Variants in TENM4 observed in about 807,000 individuals in gnomAD.
TENM4 encodes the protein teneurin-4.
TENM4 carries 82 observed loss-of-function variants against 243.3 expected under a neutral mutation model. That is an observed-to-expected ratio of 0.34 (90% CI 0.28 to 0.40). The LOEUF is 0.40. Among genes scored for constraint, TENM4 ranks in the 10% least tolerant of loss-of-function variants. The pLI is 1.00. For synonymous variants in TENM4, 1,412 were observed against 1,456.3 expected (o/e 0.97, Z 0.69); for missense variants, 3,138 against 3,673.3 (o/e 0.85, Z 3.77).
chr11:78,782,853 A>G (rs1785824), intron 16 of TENM4, among the ~76,000 whole-genome samples: 89,293 of 151,502 alleles, frequency 0.59, 29,309 homozygotes, highest in Non-Finnish European at 0.76. Flanking sequence ...GTCTGGTTTT[A>G]CTCACACAAG....
At position 79,005,105 on chromosome 11, in the gene TENM4, T is replaced by C. The variant is rs536832962; in HGVS notation, c.493+59633A>G. On this transcript the variant is annotated intron_variant, in intron 6 of 33. Transcript: ENST00000278550. ...AACGTACCAATAATGAATCCTGAAA[T>C]TGAATCAGTAATGAAAAGCCTACCC... Among the ~76,000 whole-genome samples the C allele has an allele frequency of 2.0e-5, 3 of 152,106 alleles. No homozygotes were observed. The East Asian group carries it at 5.8e-4, about 29-fold the overall frequency.
rs533581251 is a variant in TENM4, at chr11:78,688,343, T to C, written c.5088-117A>G. 42 of 1,123,032 alleles carry C rather than the reference T, an allele frequency of 3.7e-5. No individual in the cohort carries two copies. In the African/African-American group the frequency reaches 5.9e-4, roughly 16 times the overall value. 69.6% of individuals were successfully genotyped at this position (1,123,032 alleles called of 1,614,324 possible). On this transcript the variant is annotated intron_variant, in intron 28 of 33. Coordinates refer to ENST00000278550, the MANE Select transcript of TENM4 (RefSeq NM_001098816.3). ...TGCTCTGCTTTTCTTTCTGGCTGGA[T>C]ACATTCCCATGTCTCCCACATATCT...
In TENM4 at chr11:78,708,529, A is replaced by G. The variant is rs774427387; in HGVS notation, c.4055-14T>C. 212 of 1,612,610 alleles carry G rather than the reference A, an allele frequency of 1.3e-4. No individual in the cohort carries two copies. The highest frequency in any genetic ancestry group is 1.7e-4 in the Non-Finnish European group (197 of 1,179,288). On this transcript the variant is annotated splice_polypyrimidine_tract_variant and intron_variant, in intron 26 of 33. Coordinates refer to ENST00000278550, the MANE Select transcript of TENM4 (RefSeq NM_001098816.3). ...CCACTGTAATGCCTGGGGGCAGAGAAGCCAAAACAGGAACTCAGCATCAGA... is the reference window on the plus strand; with the variant it reads ...CCACTGTAATGCCTGGGGGCAGAGAGGCCAAAACAGGAACTCAGCATCAGA...
At chr11:79,346,777 A>AT (rs767332930) in intron 1 of TENM4, among the ~76,000 whole-genome samples, 2 of 152,216 alleles carry the variant, frequency 1.3e-5, no homozygotes, top group East Asian at 3.8e-4. Context: ...CATCTGTAAA[A>AT]TGGGCATAAA....
chr11:79,260,722 C>T (rs1042052184), intron 2 of TENM4, among the ~76,000 whole-genome samples: 12 of 152,172 alleles, frequency 7.9e-5, no homozygotes, highest in Middle Eastern at 3.2e-3. Flanking sequence ...AGCACGCCTC[C>T]GGTGCCAACT....
intron 6 of TENM4, among the ~76,000 whole-genome samples, chr11:78,965,353 T>C (rs1857416042): frequency 6.6e-6 from 1 of 152,040 alleles, no homozygotes; most frequent in South Asian, 2.1e-4. Context: ...GTTCCAGTTT[T>C]GGAAAAGTTC....
At chr11:78,993,350 C>A (rs978393698) in intron 6 of TENM4, among the ~76,000 whole-genome samples, 2 of 152,152 alleles carry the variant, frequency 1.3e-5, no homozygotes, top group South Asian at 4.1e-4. Context: ...TGATTTTCAG[C>A]AATTTTATTA....
chr11:78,805,612 T>G (rs1044144052), intron 14 of TENM4, 120 bp from the exon 15 acceptor site: 1 of 1,195,262 alleles, frequency 8.4e-7, no homozygotes, highest in African/African-American at 1.5e-5. Context: ...GAAGGATGCA[T>G]AGGTCACTTA....
intron 1 of TENM4, among the ~76,000 whole-genome samples, chr11:79,312,652 C>A (rs2135415563): frequency 6.6e-6 from 1 of 152,272 alleles, no homozygotes; most frequent in South Asian, 2.1e-4. Context: ...TGAATTTATT[C>A]ACCTTTATAG....
At chr11:78,705,329 G>A (rs1327884242) in intron 27 of TENM4, among the ~76,000 whole-genome samples, 2 of 152,174 alleles carry the variant, frequency 1.3e-5, no homozygotes, top group Admixed American at 6.5e-5. Flanking sequence ...TAGAGCAAGT[G>A]CTTTCCTACA....
intron 7 of TENM4, among the ~76,000 whole-genome samples, chr11:78,892,874 C>T (rs1241708674): frequency 6.6e-6 from 1 of 152,220 alleles, no homozygotes; most frequent in Admixed American, 6.5e-5. Context: ...GACCCCAGAA[C>T]TCAGGCTCTC....
chr11:78,873,633 G>C (rs2136247099), intron 9 of TENM4, among the ~76,000 whole-genome samples: 1 of 152,184 alleles, frequency 6.6e-6, no homozygotes, highest in Non-Finnish European at 1.5e-5. Context: ...AAAAAACAAA[G>C]AAACCAACAT....
At chr11:79,108,882 C>T (rs1861437507) in intron 4 of TENM4, among the ~76,000 whole-genome samples, 1 of 152,158 alleles carries the variant, frequency 6.6e-6, no homozygotes, top group Non-Finnish European at 1.5e-5. Flanking sequence ...GCTTTCCCTT[C>T]TCTTAGCCCC....
chr11:78,923,217 T>C (rs1419855908), intron 6 of TENM4, among the ~76,000 whole-genome samples: 2 of 152,148 alleles, frequency 1.3e-5, no homozygotes, highest in Non-Finnish European at 2.9e-5. Flanking sequence ...TGATGGGCTG[T>C]CACTATCTTG....
chr11:79,395,293 C>T (rs1310382331), intron 1 of TENM4, among the ~76,000 whole-genome samples: 1 of 152,194 alleles, frequency 6.6e-6, no homozygotes, highest in Non-Finnish European at 1.5e-5. Flanking sequence ...AGGTACCAAC[C>T]ATCGTTATCT....
At chr11:79,323,945 A>C (rs1333605677) in intron 1 of TENM4, among the ~76,000 whole-genome samples, 2 of 152,118 alleles carry the variant, frequency 1.3e-5, no homozygotes, top group Non-Finnish European at 2.9e-5. Context: ...ACATACATAA[A>C]GCTACATATA....
Position 79,137,531 on chromosome 11 carries a change from A to G in TENM4, c.-66+11179T>C, listed in dbSNP as rs184893240. Among the ~76,000 whole-genome samples, 906 of 152,324 alleles carry G rather than the reference A, an allele frequency of 5.9e-3. 9 individuals are homozygous for G. Among genetic ancestry groups the G allele is most frequent in the African/African-American group, 0.021 (869 of 41,582 alleles). On this transcript the variant is annotated intron_variant, in intron 4 of 33. Transcript: ENST00000278550. ...AAGGTGCTTGCTGAAGGCAAAGGGA[A>G]TACAGAATGTGTAGTAGAAGAAGGT... is the stretch of plus-strand genomic sequence containing the variant.
At chr11:78,843,044 C>T (rs916510534) in intron 12 of TENM4, among the ~76,000 whole-genome samples, 3 of 151,948 alleles carry the variant, frequency 2.0e-5, no homozygotes, top group Non-Finnish European at 4.4e-5. Context: ...TTTGGGAGGC[C>T]GAGGCGGGTG....
chr11:79,320,631 A>C (rs1409812819), intron 1 of TENM4, among the ~76,000 whole-genome samples: 2 of 152,154 alleles, frequency 1.3e-5, no homozygotes, highest in Admixed American at 1.3e-4. Context: ...GTTTGCTTAT[A>C]TCCAGAACCC....
Sources: gnomAD v4.1 joint callset for allele counts (sites outside exome capture counted in the v4.1 genomes callset) on GRCh38, gnomAD v4.1.1 for gene constraint, MANE v1.5 for transcripts, NCBI Gene and HGNC (gene_info 2026-07-23, HGNC 2026-07-21) for gene names.